The following NAALADL2 variants were observed in gnomAD, a reference collection of about 807,000 sequenced individuals.
NAALADL2 encodes inactive N-acetylated-alpha-linked acidic dipeptidase-like protein 2.
A neutral mutation model predicts 87.2 loss-of-function variants in NAALADL2; 76 were observed. The ratio of observed to expected loss-of-function variants is 0.87; its 90% CI spans 0.72 to 1.05. NAALADL2 has a LOEUF of 1.05. Among genes scored for constraint, NAALADL2 ranks in the 50% least tolerant of loss-of-function variants. The pLI, the probability that NAALADL2 is intolerant of heterozygous loss-of-function variation, is 0.00. For missense variants in NAALADL2, 1,089 were observed against 945.8 expected (o/e 1.15, Z -1.99); for synonymous variants, 354 against 331.0 (o/e 1.07, Z -0.75).
intron 5 of NAALADL2, among the ~76,000 whole-genome samples, chr3:175,343,677 C>CTTTTTTTTT (rs1560398617): frequency 2.5e-5 from 2 of 78,882 alleles, no homozygotes; most frequent in African/African-American, 3.7e-5. Context: ...TTTTTTTTTT[C>CTTTTTTTTT]CCTTCCCACT....
chr3:174,867,849 T>G (rs1374892595), intron 1 of NAALADL2, among the ~76,000 whole-genome samples: 2 of 152,092 alleles, frequency 1.3e-5, no homozygotes, highest in South Asian at 2.1e-4. Flanking sequence ...TTGGAAGTAG[T>G]GCACTGTTAT....
At chr3:175,701,756 T>C (rs552998344) in intron 11 of NAALADL2, among the ~76,000 whole-genome samples, 1 of 152,328 alleles carries the variant, frequency 6.6e-6, no homozygotes, top group South Asian at 2.1e-4. Flanking sequence ...TTATAGTAAG[T>C]AATATCTCCA....
At chr3:175,327,326 T>C (rs979404693) in intron 5 of NAALADL2, among the ~76,000 whole-genome samples, 4 of 151,974 alleles carry the variant, frequency 2.6e-5, no homozygotes, top group African/African-American at 4.8e-5. Flanking sequence ...CGGCTAATTT[T>C]TTGTATTTTT....
intron 3 of NAALADL2, among the ~76,000 whole-genome samples, chr3:174,784,451 C>A (rs1248558508): frequency 6.6e-6 from 1 of 152,126 alleles, no homozygotes; most frequent in Non-Finnish European, 1.5e-5. Flanking sequence ...TAAACAGAAT[C>A]ATTCATGGTC....
At chr3:175,461,993 A>G (rs560083360) in intron 6 of NAALADL2, among the ~76,000 whole-genome samples, 2 of 152,264 alleles carry the variant, frequency 1.3e-5, no homozygotes, top group East Asian at 1.9e-4. Context: ...ATTTTAGAGT[A>G]GTGAAGCTAT....
chr3:174,532,053 T>C (rs1423204583), intron 1 of NAALADL2, among the ~76,000 whole-genome samples: 2 of 152,216 alleles, frequency 1.3e-5, no homozygotes, highest in East Asian at 1.9e-4. Context: ...GATGAAATCA[T>C]TGCAAGTACA....
intron 2 of NAALADL2, among the ~76,000 whole-genome samples, chr3:175,217,428 T>G (rs1742721789): frequency 6.6e-6 from 1 of 152,368 alleles, no homozygotes; most frequent in East Asian, 1.9e-4. Context: ...TTTTATTGTG[T>G]TCATTTCACA....
At chr3:175,230,081 A>G (rs1445235392) in intron 2 of NAALADL2, among the ~76,000 whole-genome samples, 1 of 152,012 alleles carries the variant, frequency 6.6e-6, no homozygotes. Context: ...TTAATGGGGC[A>G]TATTTGACAA....
chr3:175,616,075 T>C (rs1008677853), intron 10 of NAALADL2, among the ~76,000 whole-genome samples: 12 of 147,380 alleles, frequency 8.1e-5, no homozygotes, highest in Admixed American at 3.4e-4. Context: ...TTAGTATATG[T>C]TATTTATAGT....
At chr3:175,586,328 T>A (rs1401566210) in intron 10 of NAALADL2, among the ~76,000 whole-genome samples, 1 of 152,128 alleles carries the variant, frequency 6.6e-6, no homozygotes, top group Non-Finnish European at 1.5e-5. Flanking sequence ...TAGATTGAGG[T>A]CAACGCTACT....
At chr3:175,269,123 G>A (rs1752419632) in intron 4 of NAALADL2, among the ~76,000 whole-genome samples, 1 of 138,218 alleles carries the variant, frequency 7.2e-6, no homozygotes, top group African/African-American at 2.5e-5. Flanking sequence ...ATTTTCAGTA[G>A]AGACGGGATT....
chr3:175,042,859 A>C (rs1754243936), intron 1 of NAALADL2, among the ~76,000 whole-genome samples: 1 of 152,038 alleles, frequency 6.6e-6, no homozygotes, highest in Non-Finnish European at 1.5e-5. Flanking sequence ...CACGGGGGTG[A>C]ATCCTTCATA....
chr3:174,560,304 TG>T (rs773385547), intron 2 of NAALADL2, among the ~76,000 whole-genome samples: 1 of 152,232 alleles, frequency 6.6e-6, no homozygotes, highest in Non-Finnish European at 1.5e-5. Flanking sequence ...ATAGCCTTAA[TG>T]ACAATAGGTA....
chr3:174,768,426 A>G (rs1357385845), intron 3 of NAALADL2, among the ~76,000 whole-genome samples: 1 of 152,170 alleles, frequency 6.6e-6, no homozygotes, highest in African/African-American at 2.4e-5. Flanking sequence ...CTCTGAGCCT[A>G]GTCTTTTCAT....
chr3:175,329,400 A>G (rs1761130608), intron 5 of NAALADL2, among the ~76,000 whole-genome samples: 1 of 152,216 alleles, frequency 6.6e-6, no homozygotes, highest in African/African-American at 2.4e-5. Context: ...CTGCCAAACA[A>G]AACTATTCAA....
intron 3 of NAALADL2, among the ~76,000 whole-genome samples, chr3:174,754,091 A>G (rs1002910750): frequency 6.6e-6 from 1 of 152,210 alleles, no homozygotes; most frequent in African/African-American, 2.4e-5. Context: ...TTGTTATGGC[A>G]GCTTGAGCTA....
chr3:174,583,139 A>C (rs1203910213), intron 2 of NAALADL2, among the ~76,000 whole-genome samples: 1 of 152,334 alleles, frequency 6.6e-6, no homozygotes, highest in East Asian at 1.9e-4. Flanking sequence ...AGATAACACT[A>C]ATGCAAAATG....
At chr3:175,366,343 G>T (rs573166100) in intron 5 of NAALADL2, among the ~76,000 whole-genome samples, 2 of 151,874 alleles carry the variant, frequency 1.3e-5, no homozygotes, top group Admixed American at 6.6e-5. Context: ...CTTTATAACA[G>T]CATGATTTAT....
In NAALADL2 at chr3:175,674,919, A is replaced by G. The variant is rs538838308; in HGVS notation, c.1896+47533A>G. 1.1e-3 allele frequency among the ~76,000 whole-genome samples: 173 copies of G among 152,312 alleles called. 1 individual carries two copies. Among genetic ancestry groups the G allele is most frequent in the African/African-American group, 4.0e-3 (168 of 41,568 alleles). ...ATTAAAAATTACTTTTGTAATTTTGAGAAATATCAAACTTAATAGCAAAGA... is the reference window on the plus strand; with the variant it reads ...ATTAAAAATTACTTTTGTAATTTTGGGAAATATCAAACTTAATAGCAAAGA... On this transcript the variant is annotated intron_variant, in intron 11 of 13. Coordinates refer to ENST00000454872, the MANE Select transcript of NAALADL2 (RefSeq NM_207015.3).
Sources: allele counts gnomAD v4.1 joint callset (sites outside exome capture counted in the v4.1 genomes callset), GRCh38; gene constraint gnomAD v4.1.1; transcripts MANE v1.5; gene names NCBI Gene and HGNC (gene_info 2026-07-23, HGNC 2026-07-21).